PCDH7: variants seen among roughly 807,000 people sequenced by gnomAD.
PCDH7 encodes protocadherin-7.
In PCDH7, 17 loss-of-function variants were observed where a neutral mutation model predicts 58.9. That is an observed-to-expected ratio of 0.29 (90% CI 0.20 to 0.43). The LOEUF (loss-of-function observed/expected upper bound fraction) is 0.43. PCDH7 is among the 20% of genes least tolerant of loss of function. The probability of loss-of-function intolerance (pLI) is 1.00; values close to 1 mark genes in which losing one functional copy is unlikely to be tolerated. For synonymous variants in PCDH7, 664 were observed against 616.4 expected (o/e 1.08, Z -1.14); for missense variants, 1,274 against 1,441.0 (o/e 0.88, Z 1.88).
Position 30,913,087 on chromosome 4 carries a change from G to A in PCDH7, c.71-7066G>A, listed in dbSNP as rs377395534. ...CTTGGAAACTATACAGGAACTTTTG[G>A]ACAAATATTTTTCCAAATAGGTAAC... On this transcript the variant is annotated intron_variant, in intron 1 of 3. Transcript: ENST00000509759. 3.4e-4 allele frequency among the ~76,000 whole-genome samples: 52 copies of A among 151,008 alleles called. 1 individual carries two copies. In the South Asian group the frequency reaches 0.011, roughly 31 times the overall value.
chr4:30,954,123 C>T (rs1415082970), intron 3 of PCDH7, among the ~76,000 whole-genome samples: 1 of 152,124 alleles, frequency 6.6e-6, no homozygotes, highest in Admixed American at 6.5e-5. Context: ...CTTGGTGAAG[C>T]CTATTTATGG....
intron 3 of PCDH7, among the ~76,000 whole-genome samples, chr4:31,062,110 C>T (rs1578690032): frequency 6.6e-6 from 1 of 151,578 alleles, no homozygotes; most frequent in African/African-American, 2.4e-5. Context: ...ATTGGTTTTT[C>T]ATATTAAAGA....
At chr4:31,045,352 T>C (rs989506523) in intron 3 of PCDH7, among the ~76,000 whole-genome samples, 1 of 151,990 alleles carries the variant, frequency 6.6e-6, no homozygotes, top group African/African-American at 2.4e-5. Flanking sequence ...GAAGTAATTG[T>C]ACACAGTATC....
At position 31,097,837 on chromosome 4, in the gene PCDH7, T is replaced by A. The variant is rs116485731; in HGVS notation, c.*8-44636T>A. ...TAACTCTAATTAGGATCTACTTGTA[T>A]CTTAATTATGAGACTCTTTTAAAAT... is the stretch of plus-strand genomic sequence containing the variant. On this transcript the variant is annotated intron_variant, in intron 3 of 3. Transcript: ENST00000509759. Among the ~76,000 whole-genome samples the A allele has an allele frequency of 5.9e-3, 901 of 151,716 alleles. 11 individuals are homozygous for A. The highest frequency in any genetic ancestry group is 0.021 in the African/African-American group (851 of 41,360).
intron 1 of PCDH7, among the ~76,000 whole-genome samples, chr4:30,896,364 A>G (rs946936297): frequency 3.3e-5 from 5 of 152,186 alleles, no homozygotes; most frequent in African/African-American, 4.8e-5. Flanking sequence ...AGCTATTTCA[A>G]TGCTGAACTG....
intron 3 of PCDH7, among the ~76,000 whole-genome samples, chr4:31,012,811 C>T (rs1427912351): frequency 1.3e-5 from 2 of 150,426 alleles, no homozygotes; most frequent in Non-Finnish European, 3.0e-5. Context: ...CAAGACCAGC[C>T]TGGGCAACAA....
intron 3 of PCDH7, among the ~76,000 whole-genome samples, chr4:31,134,455 T>C (rs1719355252): frequency 1.3e-5 from 2 of 152,106 alleles, no homozygotes; most frequent in Non-Finnish European, 2.9e-5. Context: ...CTAGACTCCA[T>C]CTCAAAAAAC....
intron 2 of PCDH7, among the ~76,000 whole-genome samples, chr4:30,949,065 C>A (rs1747050172): frequency 6.6e-6 from 1 of 152,130 alleles, no homozygotes; most frequent in African/African-American, 2.4e-5. Context: ...GAGAAAAATT[C>A]ATCAATGTCC....
At chr4:30,769,110 G>A (rs969593725) in intron 1 of PCDH7, among the ~76,000 whole-genome samples, 10 of 152,304 alleles carry the variant, frequency 6.6e-5, no homozygotes, top group Admixed American at 2.6e-4. Flanking sequence ...TTTCTGATAA[G>A]TTTCTCCAAC....
intron 3 of PCDH7, among the ~76,000 whole-genome samples, chr4:31,120,879 G>C (rs1023342947): frequency 2.6e-5 from 4 of 152,090 alleles, no homozygotes; most frequent in Non-Finnish European, 5.9e-5. Context: ...ACACTTGCCT[G>C]TTTCTCTTCT....
chr4:30,788,328 G>C (rs1446003370), intron 1 of PCDH7, among the ~76,000 whole-genome samples: 2 of 151,932 alleles, frequency 1.3e-5, no homozygotes, highest in Non-Finnish European at 2.9e-5. Context: ...TTTTGAAACT[G>C]TTCTTCTCCG....
intron 1 of PCDH7, among the ~76,000 whole-genome samples, chr4:30,848,374 A>C (rs561666275): frequency 6.6e-6 from 1 of 152,284 alleles, no homozygotes; most frequent in Non-Finnish European, 1.5e-5. Flanking sequence ...CAAAATTATA[A>C]TTTTAATATG....
At chr4:31,043,478 G>A (rs1756047702) in intron 3 of PCDH7, among the ~76,000 whole-genome samples, 1 of 152,018 alleles carries the variant, frequency 6.6e-6, no homozygotes, top group Non-Finnish European at 1.5e-5. Context: ...TAGCCTTTCT[G>A]ACTGGTGTGA....
At position 30,974,163 on chromosome 4, in the gene PCDH7, TCTTTC is replaced by T; in HGVS notation, c.*7+23949_*7+23953del. On this transcript the variant is annotated intron_variant, in intron 3 of 3. Transcript: ENST00000509759. ...TGTTGCAGTTCTTTCTTTCTTTCTT[TCTTTC>T]TTTTTCTCTTTCTTTCTTTCTCTTT... Among the ~76,000 whole-genome samples the T allele has an allele frequency of 1.3e-5, 2 of 151,928 alleles. 1 individual carries two copies. Among genetic ancestry groups the T allele is most frequent in the Middle Eastern group, 6.8e-3 (2 of 294 alleles).
intron 1 of PCDH7, among the ~76,000 whole-genome samples, chr4:30,857,174 C>T (rs1733575978): frequency 6.6e-6 from 1 of 152,132 alleles, no homozygotes; most frequent in Non-Finnish European, 1.5e-5. Flanking sequence ...TTTACAGTGA[C>T]TTCTCTTCTG....
rs770377693 is a variant in PCDH7, at chr4:30,721,953, C to T, written c.531C>T (p.Ile177=). The change falls in exon 1 of 2, where the codon ATC becomes ATT. Residue 177 remains isoleucine, a synonymous_variant. Coordinates refer to ENST00000361762, the Ensembl canonical transcript of PCDH7. This position sits in a 1 kb window ranked among gnomAD's most constrained non-coding sequence, Gnocchi z 6.7. ...ACCGCGACTTCGGCCGCAACGGCAT[C>T]GAGCGCTACGAGCTGCTCCAGGAGC... 6.5e-7 allele frequency: 1 copy of T among 1,539,720 alleles called. No homozygotes were observed.
chr4:30,740,448 T>G (rs181660483), intron 1 of PCDH7, among the ~76,000 whole-genome samples: 57 of 152,300 alleles, frequency 3.7e-4, no homozygotes, highest in Non-Finnish European at 6.0e-4. Context: ...ATAAAATATT[T>G]TTTCTTTTTC....
intron 1 of PCDH7, among the ~76,000 whole-genome samples, chr4:30,825,413 C>T (rs1434757635): frequency 6.6e-6 from 1 of 151,974 alleles, no homozygotes; most frequent in Non-Finnish European, 1.5e-5. Flanking sequence ...TTTTCTCCTC[C>T]CTTAGTGTAT....
intron 1 of PCDH7, among the ~76,000 whole-genome samples, chr4:30,753,313 G>A (rs1414412023): frequency 6.6e-6 from 1 of 152,132 alleles, no homozygotes; most frequent in Non-Finnish European, 1.5e-5. Context: ...TTCTTGATAA[G>A]GAACCAGAAT....
Sources: gnomAD v4.1 joint callset for allele counts (sites outside exome capture counted in the v4.1 genomes callset) on GRCh38, gnomAD v4.1.1 for gene constraint, Gnocchi (gnomAD v3.1) non-coding constraint, MANE v1.5 for transcripts, NCBI Gene and HGNC (gene_info 2026-07-23, HGNC 2026-07-21) for gene names.